THSD7B: variants seen among roughly 807,000 people sequenced by gnomAD.
The protein encoded by THSD7B is thrombospondin type-1 domain-containing protein 7B.
THSD7B carries 138 observed loss-of-function variants against 213.6 expected under a neutral mutation model. The observed-to-expected ratio is 0.65, with a 90% CI of 0.56 to 0.74. The LOEUF (loss-of-function observed/expected upper bound fraction) is 0.74. Among genes scored for constraint, THSD7B ranks in the 30% least tolerant of loss-of-function variants. THSD7B has a pLI of 0.00. For synonymous variants in THSD7B, 742 were observed against 687.0 expected, an observed-to-expected ratio of 1.08 and a Z score of -1.25; for missense variants, 1,931 against 1,991.5, an observed-to-expected ratio of 0.97 and a Z score of 0.58.
chr2:137,309,898 G>C (rs1243982271), intron 12 of THSD7B, among the ~76,000 whole-genome samples: 1 of 152,058 alleles, frequency 6.6e-6, no homozygotes, highest in Non-Finnish European at 1.5e-5. Flanking sequence ...TCTTAATCTG[G>C]TCTATCATTG....
At chr2:137,448,785 C>T (rs557842032) in intron 14 of THSD7B, among the ~76,000 whole-genome samples, 1 of 149,544 alleles carries the variant, frequency 6.7e-6, no homozygotes, top group Non-Finnish European at 1.5e-5. Flanking sequence ...GGCGACAGAG[C>T]GAGACTCCAT....
At chr2:137,278,503 C>T (rs1186370794) in intron 12 of THSD7B, among the ~76,000 whole-genome samples, 2 of 152,058 alleles carry the variant, frequency 1.3e-5, no homozygotes, top group Non-Finnish European at 2.9e-5. Flanking sequence ...AAAAGCTTAC[C>T]TTCATAGCAT....
chr2:137,091,031 A>T (rs1687939297), intron 3 of THSD7B, among the ~76,000 whole-genome samples: 1 of 152,204 alleles, frequency 6.6e-6, no homozygotes, highest in Non-Finnish European at 1.5e-5. Context: ...TTTTATTATT[A>T]TTGTTTTAAC....
intron 17 of THSD7B, among the ~76,000 whole-genome samples, chr2:137,578,122 A>G (rs533279341): frequency 1.3e-5 from 2 of 152,310 alleles, no homozygotes; most frequent in South Asian, 4.1e-4. Flanking sequence ...TACAATCACC[A>G]TGGCTGTCTA....
intron 1 of THSD7B, among the ~76,000 whole-genome samples, chr2:136,821,951 C>G (rs1193370034): frequency 6.6e-6 from 1 of 152,108 alleles, no homozygotes; most frequent in Non-Finnish European, 1.5e-5. Context: ...GAGAACACAA[C>G]AAATTACATC....
chr2:137,409,575 TA>T (rs1281119758), intron 13 of THSD7B, among the ~76,000 whole-genome samples: 1 of 152,232 alleles, frequency 6.6e-6, no homozygotes, highest in Non-Finnish European at 1.5e-5. Flanking sequence ...GACAGTCATT[TA>T]AAATTGAAGA....
chr2:136,916,998 G>T (rs564371312), intron 2 of THSD7B, among the ~76,000 whole-genome samples: 1 of 152,268 alleles, frequency 6.6e-6, no homozygotes, highest in South Asian at 2.1e-4. Flanking sequence ...GCTATAAAAA[G>T]AAAGGTTATA....
intron 15 of THSD7B, among the ~76,000 whole-genome samples, chr2:137,514,537 A>G (rs1032534984): frequency 2.6e-5 from 4 of 152,158 alleles, no homozygotes; most frequent in African/African-American, 7.2e-5. Flanking sequence ...TCCCCTTTAT[A>G]TATATCTATC....
intron 1 of THSD7B, among the ~76,000 whole-genome samples, chr2:136,848,149 C>T (rs923337392): frequency 2.6e-5 from 4 of 152,190 alleles, no homozygotes; most frequent in African/African-American, 9.6e-5. Flanking sequence ...TGCACAATTC[C>T]TGTACAACAT....
intron 12 of THSD7B, among the ~76,000 whole-genome samples, chr2:137,295,770 G>A (rs964772500): frequency 5.3e-5 from 8 of 151,900 alleles, no homozygotes; most frequent in African/African-American, 1.2e-4. Flanking sequence ...CACCACACCC[G>A]GCCAAAAAAT....
chr2:136,936,839 G>C (rs942717689), intron 2 of THSD7B, among the ~76,000 whole-genome samples: 1 of 151,098 alleles, frequency 6.6e-6, no homozygotes, highest in Non-Finnish European at 1.5e-5. Flanking sequence ...TTTAAAAAAA[G>C]AAATGATAAC....
At chr2:137,668,160 G>A (rs1683487355) in intron 27 of THSD7B, among the ~76,000 whole-genome samples, 1 of 152,032 alleles carries the variant, frequency 6.6e-6, no homozygotes, top group African/African-American at 2.4e-5. Flanking sequence ...TGTCTCCTAG[G>A]GAATCAGGCT....
At chr2:137,441,452 G>A (rs1687410247) in intron 14 of THSD7B, among the ~76,000 whole-genome samples, 2 of 152,194 alleles carry the variant, frequency 1.3e-5, no homozygotes, top group Non-Finnish European at 2.9e-5. Flanking sequence ...TCTCTCTCCT[G>A]CCAAGATTGC....
rs142572888 is a variant in THSD7B at position 137,285,427 on chromosome 2, A to G, written c.2500+9401A>G. ...TTAAGGTTAGTATTGTTATGTGTGAATTTGATCCTGTCATTATGATGTTAG... is the reference window on the plus strand; with the variant it reads ...TTAAGGTTAGTATTGTTATGTGTGAGTTTGATCCTGTCATTATGATGTTAG... On this transcript the variant is annotated intron_variant, in intron 12 of 27. Coordinates refer to ENST00000409968, the MANE Select transcript of THSD7B (RefSeq NM_001316349.2). 5.0e-3 allele frequency among the ~76,000 whole-genome samples: 763 copies of G among 152,084 alleles called. 4 individuals carry two copies. The highest frequency in any genetic ancestry group is 0.017 in the African/African-American group (722 of 41,492).
intron 2 of THSD7B, among the ~76,000 whole-genome samples, chr2:137,035,514 T>C (rs1316255894): frequency 6.6e-6 from 1 of 152,036 alleles, no homozygotes; most frequent in Non-Finnish European, 1.5e-5. Flanking sequence ...CACTTTACAC[T>C]CTTAAGTTTC....
At chr2:137,648,747 G>A (rs1193033895) in intron 21 of THSD7B, among the ~76,000 whole-genome samples, 1 of 151,504 alleles carries the variant, frequency 6.6e-6, no homozygotes. Flanking sequence ...GTATATAAAT[G>A]TGTGTGTGTG....
chr2:137,638,239 G>A (rs1217471863), intron 20 of THSD7B, among the ~76,000 whole-genome samples: 2 of 152,162 alleles, frequency 1.3e-5, no homozygotes, highest in Admixed American at 6.5e-5. Flanking sequence ...GAATTCCCAC[G>A]TGTTGTAGGA....
chr2:137,516,560 A>G (rs1680072973), intron 15 of THSD7B, among the ~76,000 whole-genome samples: 1 of 152,184 alleles, frequency 6.6e-6, no homozygotes, highest in East Asian at 1.9e-4. Context: ...CAGGGGACCC[A>G]AAACGTCGTT....
At chr2:136,971,912 CT>C (rs1244212807) in intron 2 of THSD7B, among the ~76,000 whole-genome samples, 1 of 152,126 alleles carries the variant, frequency 6.6e-6, no homozygotes, top group African/African-American at 2.4e-5. Context: ...TCTCTCTGCT[CT>C]TTTGGCTTTA....
Sources: allele counts gnomAD v4.1 joint callset (sites outside exome capture counted in the v4.1 genomes callset), GRCh38; gene constraint gnomAD v4.1.1; transcripts MANE v1.5; gene names NCBI Gene and HGNC (gene_info 2026-07-23, HGNC 2026-07-21).